TAF1: variants seen among roughly 807,000 people sequenced by gnomAD.
TAF1 encodes the protein TATA-box binding protein associated factor 1.
In TAF1, 2 loss-of-function variants were observed where a neutral mutation model predicts 138.5. The observed-to-expected ratio is 0.01, with a 90% CI of 0.01 to 0.05. The LOEUF is 0.05. Among genes scored for constraint, TAF1 ranks in the 10% least tolerant of loss-of-function variants. The probability of loss-of-function intolerance (pLI) is 1.00; values close to 1 mark genes in which losing one functional copy is unlikely to be tolerated. For missense variants in TAF1, 709 were observed against 1,478.0 expected (o/e 0.48, Z 8.53); for synonymous variants, 437 against 503.2 (o/e 0.87, Z 1.76).
At position 71,492,587 on chromosome X, in the gene TAF1, C is replaced by T. The variant is rs188264861; in HGVS notation, c.1366+31784C>T. 485 of 128,313 alleles carry T rather than the reference C, an allele frequency of 3.8e-3. 3 individuals carry two copies. The highest frequency in any genetic ancestry group is 0.015 in the African/African-American group (458 of 31,421). 10.6% of individuals were successfully genotyped at this position (128,313 alleles called of 1,213,427 possible). ...GTGGCTGTCTACCTGCCGCGTGAGG[C>T]TCTCCACCAGCTCCACCCTCTGGCT... On this transcript the variant is annotated intron_variant and NMD_transcript_variant, in intron 13 of 14. Transcript: ENST00000373775.
chrX:71,461,750 C>G (rs1277746399), intron 37 of TAF1, among the ~76,000 whole-genome samples: 1 of 111,831 alleles, frequency 8.9e-6, no homozygotes, highest in Non-Finnish European at 1.9e-5. Flanking sequence ...GATATGGTCC[C>G]TTCCTTCAAG....
intron 13 of TAF1, among the ~76,000 whole-genome samples, chrX:71,486,574 C>G (rs2039177197): frequency 9.5e-6 from 1 of 105,027 alleles, no homozygotes; most frequent in African/African-American, 3.5e-5. Context: ...GTTTCCCAGG[C>G]AGGTCTCTCA....
intron 13 of TAF1, among the ~76,000 whole-genome samples, chrX:71,495,560 G>T (rs1486436482): frequency 5.4e-5 from 6 of 112,117 alleles, no homozygotes; most frequent in African/African-American, 1.9e-4. Context: ...CTAAGAAGGT[G>T]CAGAGTCCTC....
At chrX:71,511,398 G>A (rs1439258357) in intron 13 of TAF1, among the ~76,000 whole-genome samples, 1 of 112,347 alleles carries the variant, frequency 8.9e-6, no homozygotes, top group Non-Finnish European at 1.9e-5. Context: ...CCAGACCTTG[G>A]AGACATCACT....
chrX:71,367,256 C>T (rs1490297513), intron 1 of TAF1, among the ~76,000 whole-genome samples: 4 of 108,601 alleles, frequency 3.7e-5, no homozygotes, highest in Non-Finnish European at 5.6e-5. Context: ...GATTCGTCTT[C>T]TCTTGTAGTA....
In TAF1 at chrX:71,407,901, G is replaced by A. The variant is rs2035558489; in HGVS notation, c.4207-73G>A. 9 of 1,141,663 alleles carry A rather than the reference G, an allele frequency of 7.9e-6. No individual in the cohort carries two copies. In the South Asian group the frequency reaches 1.2e-4, roughly 16 times the overall value. The allele number at this position is 1,141,663 out of a possible 1,213,427, so 94.1% of individuals were successfully genotyped here. On this transcript the variant is annotated intron_variant, in intron 27 of 37. Coordinates refer to ENST00000423759, the MANE Select transcript of TAF1 (RefSeq NM_004606.5). Reference sequence around the variant, plus strand: ...TGTTGATAGCCAGGTAGATAGGTAAGATGTGAAAGTCTTCAGGAATTGGCT... The same window carrying A: ...TGTTGATAGCCAGGTAGATAGGTAAAATGTGAAAGTCTTCAGGAATTGGCT...
In TAF1 at chrX:71,392,998, AGT is replaced by A; in HGVS notation, c.3051+8_3051+9del. The A allele has an allele frequency of 8.3e-7, 1 of 1,210,733 alleles. No individual in the cohort carries two copies. Among genetic ancestry groups the A allele is most frequent in the Non-Finnish European group, 1.1e-6 (1 of 895,272 alleles). On this transcript the variant is annotated splice_donor_5th_base_variant and intron_variant, in intron 20 of 37. Coordinates refer to ENST00000423759, the MANE Select transcript of TAF1 (RefSeq NM_004606.5). ...ATTTGGTGTGCCTGAGGAAGAGGTGAGTGTGGAAGTGGAAAATTTAGAGTATA... is the reference window on the plus strand; with the variant it reads ...ATTTGGTGTGCCTGAGGAAGAGGTGAGTGGAAGTGGAAAATTTAGAGTATA...
chrX:71,398,482 C>A, intron 23 of TAF1, 90 bp from the exon 24 acceptor site: 1 of 1,110,473 alleles, frequency 9.0e-7, no homozygotes, highest in Non-Finnish European at 1.2e-6. Context: ...TTACTTTAGT[C>A]CTGAGATGTT....
intron 32 of TAF1, among the ~76,000 whole-genome samples, chrX:71,432,195 A>G (rs988525444): frequency 2.0e-4 from 22 of 111,118 alleles, no homozygotes; most frequent in African/African-American, 6.2e-4. Context: ...GAAGTAGACA[A>G]TATGTTGAGG....
intron 13 of TAF1, among the ~76,000 whole-genome samples, chrX:71,512,929 A>G (rs2039760130): frequency 8.9e-6 from 1 of 112,707 alleles, no homozygotes; most frequent in South Asian, 3.6e-4. Context: ...CAGCAGTGTC[A>G]AATGCTTAGA....
rs138199450 is a variant in TAF1 at position 71,442,716 on chromosome X, T to C, written c.4754-11454T>C. ...TTTTGTTGCCATTGGTTTTGGTGTT[T>C]TAGTCATGAAGTCCTTGCCCATGCC... On this transcript the variant is annotated intron_variant, in intron 32 of 37. Coordinates refer to ENST00000423759, the MANE Select transcript of TAF1 (RefSeq NM_004606.5). Among the ~76,000 whole-genome samples the C allele has an allele frequency of 3.5e-3, 390 of 112,065 alleles. 7 individuals are homozygous for C. Among genetic ancestry groups the C allele is most frequent in the East Asian group, 0.025 (91 of 3,588 alleles).
chrX:71,431,758 T>C (rs746506956), intron 32 of TAF1, among the ~76,000 whole-genome samples: 1 of 109,351 alleles, frequency 9.1e-6, no homozygotes, highest in East Asian at 2.9e-4. Flanking sequence ...CTATTAAAAA[T>C]ACAAAAAATT....
rs773240220 is a variant in TAF1 at position 71,432,356 on chromosome X, C to G, written c.4753+8118C>G. On this transcript the variant is annotated intron_variant, in intron 32 of 37. Coordinates refer to ENST00000423759, the MANE Select transcript of TAF1 (RefSeq NM_004606.5). Reference sequence around the variant, plus strand: ...AAGTAGGAAACAGCATATTTTTTTGCTGAGATTAAAGTGGGAGAAGGAATT... The same window carrying G: ...AAGTAGGAAACAGCATATTTTTTTGGTGAGATTAAAGTGGGAGAAGGAATT... Among the ~76,000 whole-genome samples the G allele has an allele frequency of 3.6e-5, 4 of 111,646 alleles. No homozygotes were observed. The East Asian group carries it at 1.1e-3, about 31-fold the overall frequency.
intron 32 of TAF1, among the ~76,000 whole-genome samples, chrX:71,442,162 A>G (rs774122386): frequency 4.5e-4 from 50 of 112,221 alleles, no homozygotes; most frequent in South Asian, 1.1e-3. Flanking sequence ...ATGATTTATA[A>G]TCCTTTGAGT....
At chrX:71,453,162 T>G (rs1569365589) in intron 32 of TAF1, among the ~76,000 whole-genome samples, 1 of 111,371 alleles carries the variant, frequency 9.0e-6, no homozygotes, top group Admixed American at 9.5e-5. Flanking sequence ...CCAGTTGGTT[T>G]GTTTTTAGAG....
intron 28 of TAF1, among the ~76,000 whole-genome samples, chrX:71,412,097 A>G (rs1432526668): frequency 9.3e-6 from 1 of 108,096 alleles, no homozygotes; most frequent in African/African-American, 3.4e-5. Context: ...TCCATATTGT[A>G]ACATGTATCA....
At chrX:71,426,020 G>A (rs1410080069) in intron 32 of TAF1, among the ~76,000 whole-genome samples, 1 of 110,089 alleles carries the variant, frequency 9.1e-6, no homozygotes, top group African/African-American at 3.3e-5. Flanking sequence ...AGTACCTTGG[G>A]AGGCCAAGGC....
chrX:71,462,798 A>G (rs948422839), intron 37 of TAF1, among the ~76,000 whole-genome samples: 12 of 111,747 alleles, frequency 1.1e-4, no homozygotes, highest in Non-Finnish European at 1.9e-4. Flanking sequence ...ATCATCATAA[A>G]TAAAAACATT....
Position 71,431,914 on chromosome X carries a change from CAAA to C in TAF1, c.4753+7692_4753+7694del, listed in dbSNP as rs762790780. On this transcript the variant is annotated intron_variant, in intron 32 of 37. Transcript: ENST00000423759. ...CTGGTGACAGAGTGAGACTCCGTCT[CAAA>C]AAAAAAAAAAAAAAATATGAAGGAG... 9.6e-3 allele frequency among the ~76,000 whole-genome samples: 354 copies of C among 36,878 alleles called. 4 individuals are homozygous for C. The highest frequency in any genetic ancestry group is 0.032 in the Middle Eastern group (2 of 63). The allele number at this position is 36,878 out of a possible 115,157, so 32.0% of individuals were successfully genotyped here. A position where few individuals can be genotyped will look rare whatever the true frequency, so the allele number is the denominator to read the frequency against.
Sources: allele counts gnomAD v4.1 joint callset (sites outside exome capture counted in the v4.1 genomes callset), GRCh38; gene constraint gnomAD v4.1.1; transcripts MANE v1.5; gene names NCBI Gene and HGNC (gene_info 2026-07-23, HGNC 2026-07-21).